Variants in MARCHF1 observed in about 807,000 individuals in gnomAD.
MARCHF1 encodes the protein E3 ubiquitin-protein ligase MARCHF1.
In MARCHF1, 40 loss-of-function variants were observed where a neutral mutation model predicts 54.2. The ratio of observed to expected loss-of-function variants is 0.74; its 90% CI spans 0.57 to 0.96. The LOEUF (loss-of-function observed/expected upper bound fraction) is 0.96, where lower values mean the gene tolerates loss of function less well. Ranked by LOEUF, MARCHF1 falls within the 40% of genes least tolerant of loss-of-function variation. The pLI, the probability that MARCHF1 is intolerant of heterozygous loss-of-function variation, is 0.00. For synonymous variants in MARCHF1, 236 were observed against 236.3 expected (o/e 1.00, Z 0.01); for missense variants, 586 against 656.5 (o/e 0.89, Z 1.17).
intron 1 of MARCHF1, among the ~76,000 whole-genome samples, chr4:164,337,618 C>G (rs781033274): frequency 2.6e-5 from 4 of 152,238 alleles, no homozygotes; most frequent in Non-Finnish European, 5.9e-5. Flanking sequence ...CTTGGGATAT[C>G]TGGCATGTGT....
chr4:163,810,085 A>G (rs1028809338), intron 4 of MARCHF1, among the ~76,000 whole-genome samples: 1 of 152,040 alleles, frequency 6.6e-6, no homozygotes, highest in African/African-American at 2.4e-5. Context: ...GACCGATGCA[A>G]GGTGCCCGAC....
intron 2 of MARCHF1, among the ~76,000 whole-genome samples, chr4:164,069,348 G>A (rs1754808355): frequency 6.6e-6 from 1 of 152,166 alleles, no homozygotes; most frequent in Non-Finnish European, 1.5e-5. Context: ...AACCCACTTG[G>A]ATCCCCTTCC....
intron 2 of MARCHF1, among the ~76,000 whole-genome samples, chr4:163,994,223 G>A (rs1171058502): frequency 1.3e-5 from 2 of 150,848 alleles, no homozygotes; most frequent in Non-Finnish European, 2.9e-5. Flanking sequence ...GTCAGAACCT[G>A]TCCACTCTTA....
chr4:163,546,639 G>A (rs945286159), intron 8 of MARCHF1, among the ~76,000 whole-genome samples: 4 of 152,110 alleles, frequency 2.6e-5, no homozygotes, highest in Non-Finnish European at 4.4e-5. Flanking sequence ...TATCACTTGG[G>A]CGATACTAGA....
At chr4:163,811,654 A>C (rs1748391902) in intron 4 of MARCHF1, among the ~76,000 whole-genome samples, 1 of 152,242 alleles carries the variant, frequency 6.6e-6, no homozygotes, top group Non-Finnish European at 1.5e-5. Flanking sequence ...AATTACAGAT[A>C]AAATAAAGCT....
intron 1 of MARCHF1, among the ~76,000 whole-genome samples, chr4:164,202,013 C>A (rs1731467219): frequency 6.6e-6 from 1 of 152,176 alleles, no homozygotes. Flanking sequence ...CTATGTCAGG[C>A]TCTAGGGCTA....
At chr4:163,723,325 T>A (rs1745540225) in intron 4 of MARCHF1, among the ~76,000 whole-genome samples, 1 of 152,192 alleles carries the variant, frequency 6.6e-6, no homozygotes, top group Admixed American at 6.5e-5. Context: ...TGAAAATTCT[T>A]TTCTTTAAAA....
Position 163,615,882 on chromosome 4 carries a change from T to C in MARCHF1, c.163-2489A>G, listed in dbSNP as rs557398376. Reference sequence around the variant, plus strand: ...TGGCATTGTTATAAAAACAGACACATAGACCCATGGAACACAACAGGGAAT... The same window carrying C: ...TGGCATTGTTATAAAAACAGACACACAGACCCATGGAACACAACAGGGAAT... On this transcript the variant is annotated intron_variant, in intron 5 of 9. Transcript: ENST00000514618. Among the ~76,000 whole-genome samples, 227 of 152,136 alleles carry C rather than the reference T, an allele frequency of 1.5e-3. 2 individuals are homozygous for C. Among genetic ancestry groups the C allele is most frequent in the African/African-American group, 5.2e-3 (216 of 41,540 alleles).
intron 1 of MARCHF1, among the ~76,000 whole-genome samples, chr4:164,243,032 G>C (rs1732823174): frequency 1.5e-5 from 2 of 131,236 alleles, no homozygotes; most frequent in Non-Finnish European, 3.2e-5. Context: ...GGGGAGAATG[G>C]AACCAAGTTG....
chr4:164,075,575 C>T (rs1560892257), intron 2 of MARCHF1, among the ~76,000 whole-genome samples: 2 of 152,122 alleles, frequency 1.3e-5, no homozygotes, highest in Non-Finnish European at 2.9e-5. Context: ...TAATGTTGTA[C>T]GTCATTAAAG....
At chr4:163,987,074 G>A (rs1449402534) in intron 3 of MARCHF1, among the ~76,000 whole-genome samples, 1 of 152,028 alleles carries the variant, frequency 6.6e-6, no homozygotes, top group Non-Finnish European at 1.5e-5. Flanking sequence ...ATACCTATTT[G>A]CAGAATTGAT....
chr4:163,923,770 A>C (rs571940636), intron 3 of MARCHF1, among the ~76,000 whole-genome samples: 20 of 151,696 alleles, frequency 1.3e-4, no homozygotes, highest in Non-Finnish European at 2.1e-4. Context: ...GAATTGTAAA[A>C]AAAAAAAAAA....
intron 4 of MARCHF1, among the ~76,000 whole-genome samples, chr4:163,811,796 T>A (rs1305136388): frequency 1.3e-5 from 2 of 152,196 alleles, no homozygotes; most frequent in African/African-American, 4.8e-5. Context: ...TATCATTTCA[T>A]ATTCACAACA....
intron 1 of MARCHF1, chr4:164,330,152 T>C (rs747711459): frequency 1.3e-5 from 2 of 149,884 alleles, no homozygotes; most frequent in African/African-American, 2.5e-5. Flanking sequence ...CCTGACCAAA[T>C]TCAGCTTCTG....
chr4:163,577,758 A>G (rs1740087406), intron 8 of MARCHF1, among the ~76,000 whole-genome samples: 1 of 151,976 alleles, frequency 6.6e-6, no homozygotes, highest in Admixed American at 6.6e-5. Flanking sequence ...TTTATATTTC[A>G]TGAACACTTT....
At chr4:163,800,443 A>T (rs905768627) in intron 4 of MARCHF1, among the ~76,000 whole-genome samples, 2 of 151,880 alleles carry the variant, frequency 1.3e-5, no homozygotes, top group African/African-American at 4.8e-5. Flanking sequence ...AAAATATCTA[A>T]TGTATAATTC....
chr4:163,541,086 C>A (rs1738708505), intron 9 of MARCHF1, among the ~76,000 whole-genome samples: 1 of 152,206 alleles, frequency 6.6e-6, no homozygotes, highest in South Asian at 2.1e-4. Context: ...GGCCTTCTGA[C>A]AACTAGCTCA....
chr4:164,183,974 T>C (rs950675750), intron 1 of MARCHF1, among the ~76,000 whole-genome samples: 1 of 152,168 alleles, frequency 6.6e-6, no homozygotes, highest in African/African-American at 2.4e-5. Flanking sequence ...AGAATGAAAG[T>C]GCTCCAGGAA....
At chr4:164,351,882 A>G (rs1392444055) in intron 1 of MARCHF1, among the ~76,000 whole-genome samples, 1 of 151,562 alleles carries the variant, frequency 6.6e-6, no homozygotes, top group African/African-American at 2.4e-5. Flanking sequence ...AGAAGAATGT[A>G]TAACTAGAAG....
Sources: allele counts gnomAD v4.1 joint callset (sites outside exome capture counted in the v4.1 genomes callset), GRCh38; gene constraint gnomAD v4.1.1; transcripts MANE v1.5; gene names NCBI Gene and HGNC (gene_info 2026-07-23, HGNC 2026-07-21).